The following FOXP2 variants were observed in gnomAD, a reference collection of about 807,000 sequenced individuals.
FOXP2 encodes forkhead box P2, also known as forkhead box protein P2.
FOXP2 carries 12 observed loss-of-function variants against 115.8 expected under a neutral mutation model. The ratio of observed to expected loss-of-function variants is 0.10; its 90% CI spans 0.07 to 0.17. The LOEUF is 0.17. FOXP2 is among the 10% of genes least tolerant of loss of function. The probability of loss-of-function intolerance (pLI) is 1.00; values close to 1 mark genes in which losing one functional copy is unlikely to be tolerated. For synonymous variants in FOXP2, 328 were observed against 297.7 expected (o/e 1.10, Z -1.05); for missense variants, 629 against 843.5 (o/e 0.75, Z 3.15).
chr7:114,520,552 G>A (rs1313947927), intron 2 of FOXP2, among the ~76,000 whole-genome samples: 2 of 151,936 alleles, frequency 1.3e-5, no homozygotes, highest in Non-Finnish European at 2.9e-5. Context: ...ACTTAATAAA[G>A]GAGTTAGAAA....
intron 2 of FOXP2, among the ~76,000 whole-genome samples, chr7:114,475,644 T>A (rs565406842): frequency 4.6e-5 from 7 of 152,142 alleles, no homozygotes; most frequent in African/African-American, 1.2e-4. Context: ...AAAACATTTT[T>A]AAAATATTCA....
At chr7:114,115,341 G>C (rs1791375310) in intron 1 of FOXP2, among the ~76,000 whole-genome samples, 1 of 152,138 alleles carries the variant, frequency 6.6e-6, no homozygotes, top group South Asian at 2.1e-4. Context: ...CAGGCAGAAT[G>C]ATGTTTATAA....
At chr7:114,462,605 T>A (rs1383483917) in intron 2 of FOXP2, among the ~76,000 whole-genome samples, 1 of 151,954 alleles carries the variant, frequency 6.6e-6, no homozygotes, top group Non-Finnish European at 1.5e-5. Flanking sequence ...TCTCTTAACC[T>A]GGTGATCCGC....
At chr7:114,177,104 T>A (rs1028907082) in intron 1 of FOXP2, among the ~76,000 whole-genome samples, 3 of 152,082 alleles carry the variant, frequency 2.0e-5, no homozygotes, top group Non-Finnish European at 2.9e-5. Flanking sequence ...TTGGGGGCAT[T>A]TTGGTTGTTT....
chr7:114,197,286 C>T (rs888654717), intron 1 of FOXP2, among the ~76,000 whole-genome samples: 40 of 152,156 alleles, frequency 2.6e-4, no homozygotes, highest in African/African-American at 7.7e-4. Context: ...AACAAAATAC[C>T]GTAGACTGAG....
rs77218903 is a variant in FOXP2, at chr7:114,204,509, G to T, written c.-102+41421G>T. ...CATCTTATTCGCTAAATGATTTTTGGTAAGTTATTTATGGTCTCTGAACCT... is the reference window on the plus strand; with the variant it reads ...CATCTTATTCGCTAAATGATTTTTGTTAAGTTATTTATGGTCTCTGAACCT... On this transcript the variant is annotated intron_variant, in intron 1 of 17. Transcript: ENST00000634411. Among the ~76,000 whole-genome samples the T allele has an allele frequency of 4.1e-3, 617 of 152,158 alleles. 7 individuals are homozygous for T. Among genetic ancestry groups the T allele is most frequent in the African/African-American group, 0.013 (557 of 41,518 alleles).
intron 16 of FOXP2, among the ~76,000 whole-genome samples, chr7:114,677,406 G>A (rs1807836561): frequency 6.6e-6 from 1 of 152,068 alleles, no homozygotes; most frequent in African/African-American, 2.4e-5. Context: ...CTTAAATTTT[G>A]AACATCTCAG....
chr7:114,661,722 G>A (rs1806868709), intron 13 of FOXP2: 2 of 326,686 alleles, frequency 6.1e-6, no homozygotes, highest in Non-Finnish European at 1.2e-5. Flanking sequence ...ATCCCTGAGT[G>A]CTTGATCAGG....
intron 1 of FOXP2, among the ~76,000 whole-genome samples, chr7:114,089,788 T>C (rs1038012037): frequency 7.9e-5 from 12 of 152,034 alleles, no homozygotes; most frequent in Admixed American, 3.9e-4. Context: ...TGAGAAGTTA[T>C]ATTTCCTTTG....
chr7:114,684,828 G>A (rs992870812), intron 16 of FOXP2, among the ~76,000 whole-genome samples: 3 of 151,892 alleles, frequency 2.0e-5, no homozygotes, highest in African/African-American at 4.8e-5. Flanking sequence ...TATTTTAGAG[G>A]GTACTTTGGG....
intron 1 of FOXP2, among the ~76,000 whole-genome samples, chr7:114,137,407 A>G (rs1421505643): frequency 6.6e-6 from 1 of 152,156 alleles, no homozygotes; most frequent in Non-Finnish European, 1.5e-5. Flanking sequence ...ACTATAAGGA[A>G]GTAAACACAT....
intron 3 of FOXP2, among the ~76,000 whole-genome samples, chr7:114,547,574 G>A (rs1250375939): frequency 1.3e-5 from 2 of 152,208 alleles, no homozygotes; most frequent in Admixed American, 6.5e-5. Flanking sequence ...TGAATAACAC[G>A]GTGAAACCCC....
At chr7:114,301,524 G>A (rs112605220) in intron 2 of FOXP2, among the ~76,000 whole-genome samples, 3,504 of 152,116 alleles carry the variant, frequency 0.023, 87 homozygotes, top group African/African-American at 0.055. Flanking sequence ...CCTCACTGAG[G>A]AGCTTTGGTT....
At chr7:114,296,756 T>C (rs1335323713) in intron 2 of FOXP2, among the ~76,000 whole-genome samples, 1 of 152,196 alleles carries the variant, frequency 6.6e-6, no homozygotes, top group Non-Finnish European at 1.5e-5. Flanking sequence ...ATCTCTTATA[T>C]GATTGCTAGG....
At chr7:114,525,841 G>A (rs897962918) in intron 2 of FOXP2, among the ~76,000 whole-genome samples, 1 of 152,094 alleles carries the variant, frequency 6.6e-6, no homozygotes, top group African/African-American at 2.4e-5. Context: ...GCCAGGCGTG[G>A]TGGCCCATGC....
chr7:114,571,066 A>G (rs1393170225), intron 3 of FOXP2, among the ~76,000 whole-genome samples: 2 of 151,956 alleles, frequency 1.3e-5, no homozygotes, highest in Admixed American at 6.6e-5. Context: ...TTTGTTCTCA[A>G]TTCAGTTATG....
At chr7:114,155,695 T>G (rs1200180485) in intron 1 of FOXP2, among the ~76,000 whole-genome samples, 1 of 152,120 alleles carries the variant, frequency 6.6e-6, no homozygotes, top group Non-Finnish European at 1.5e-5. Flanking sequence ...CCTCAGTTCT[T>G]ACCTCCTCAG....
chr7:114,214,112 C>T (rs190367217), intron 1 of FOXP2, among the ~76,000 whole-genome samples: 9 of 152,304 alleles, frequency 5.9e-5, no homozygotes, highest in African/African-American at 2.2e-4. Flanking sequence ...ACATTTTATA[C>T]ATTTTGAATG....
chr7:114,462,248 T>C (rs1366168476), intron 2 of FOXP2, among the ~76,000 whole-genome samples: 1 of 101,856 alleles, frequency 9.8e-6, no homozygotes, highest in Non-Finnish European at 1.7e-5. Context: ...GCCGCTGCAC[T>C]CCAGCCTGGC....
Sources: allele counts gnomAD v4.1 joint callset (sites outside exome capture counted in the v4.1 genomes callset), GRCh38; gene constraint gnomAD v4.1.1; transcripts MANE v1.5; gene names NCBI Gene and HGNC (gene_info 2026-07-23, HGNC 2026-07-21).